The following BTBD9 variants were observed in gnomAD, a reference collection of about 807,000 sequenced individuals.
BTBD9 encodes BTB/POZ domain-containing protein 9.
In BTBD9, 49 loss-of-function variants were observed where a neutral mutation model predicts 64.3. That is an observed-to-expected ratio of 0.76 (90% CI 0.61 to 0.97). The LOEUF (loss-of-function observed/expected upper bound fraction) is 0.97. Among genes scored for constraint, BTBD9 ranks in the 50% least tolerant of loss-of-function variants. BTBD9 has a pLI of 0.00. For missense variants in BTBD9, 598 were observed against 762.1 expected, an observed-to-expected ratio of 0.78 and a Z score of 2.53; for synonymous variants, 260 against 274.7, an observed-to-expected ratio of 0.95 and a Z score of 0.53.
chr6:38,548,004 GA>G (rs1469501203), intron 6 of BTBD9, among the ~76,000 whole-genome samples: 1 of 151,984 alleles, frequency 6.6e-6, no homozygotes, highest in Non-Finnish European at 1.5e-5. Context: ...GAGTTAAAAA[GA>G]AAAACATTCC....
At chr6:38,350,099 A>T (rs535066505) in intron 6 of BTBD9, among the ~76,000 whole-genome samples, 1 of 152,158 alleles carries the variant, frequency 6.6e-6, no homozygotes, top group African/African-American at 2.4e-5. Context: ...AACCATACCC[A>T]GTGACGTGGT....
At chr6:38,456,201 T>G (rs1769798967) in intron 6 of BTBD9, among the ~76,000 whole-genome samples, 2 of 152,186 alleles carry the variant, frequency 1.3e-5, no homozygotes, top group African/African-American at 4.8e-5. Flanking sequence ...TTGGCCAGGC[T>G]GGTCTCAAAC....
At position 38,199,272 on chromosome 6, in the gene BTBD9, T is replaced by C. The variant is rs116557349; in HGVS notation, c.1563-6675A>G. ...GACCCCCCCAGTTCCCTTCCCTCAA[T>C]TGGCTTTCAGGCCCCCGTGATACAG... On this transcript the variant is annotated intron_variant, in intron 9 of 10. Coordinates refer to ENST00000481247, the MANE Select transcript of BTBD9 (RefSeq NM_001099272.2). Among the ~76,000 whole-genome samples, 697 of 152,198 alleles carry C rather than the reference T, an allele frequency of 4.6e-3. 3 individuals are homozygous for C. Among genetic ancestry groups the C allele is most frequent in the African/African-American group, 0.016 (659 of 41,532 alleles).
chr6:38,514,857 G>C (rs1313751592), intron 6 of BTBD9, among the ~76,000 whole-genome samples: 1 of 152,186 alleles, frequency 6.6e-6, no homozygotes, highest in East Asian at 1.9e-4. Flanking sequence ...AGCTATTAGA[G>C]AACCATCTAA....
At chr6:38,522,500 C>T (rs1773315760) in intron 6 of BTBD9, among the ~76,000 whole-genome samples, 1 of 152,210 alleles carries the variant, frequency 6.6e-6, no homozygotes, top group Non-Finnish European at 1.5e-5. Context: ...TTTGCAAATG[C>T]TTCTTTGACG....
intron 6 of BTBD9, among the ~76,000 whole-genome samples, chr6:38,460,692 C>G (rs962250152): frequency 5.9e-5 from 9 of 152,094 alleles, no homozygotes; most frequent in Non-Finnish European, 1.0e-4. Flanking sequence ...GGCGTGATCC[C>G]GGCTCACTGC....
At chr6:38,349,654 T>C (rs563871592) in intron 6 of BTBD9, among the ~76,000 whole-genome samples, 2 of 152,240 alleles carry the variant, frequency 1.3e-5, no homozygotes, top group East Asian at 3.9e-4. Flanking sequence ...TTCAGTACCA[T>C]GCATAGTTTC....
At chr6:38,569,711 A>C (rs1275100509) in intron 6 of BTBD9, among the ~76,000 whole-genome samples, 1 of 152,194 alleles carries the variant, frequency 6.6e-6, no homozygotes, top group Non-Finnish European at 1.5e-5. Flanking sequence ...AGAAGCTTGG[A>C]TTCAATTGAA....
At chr6:38,257,033 C>CCAAAGTGCCAGGA in intron 8 of BTBD9, among the ~76,000 whole-genome samples, 1 of 150,630 alleles carries the variant, frequency 6.6e-6, no homozygotes, top group East Asian at 2.0e-4. Flanking sequence ...CCTCAGCCTC[C>CCAAAGTGCCAGGA]TGAGTAGCTG....
intron 6 of BTBD9, among the ~76,000 whole-genome samples, chr6:38,390,563 C>T (rs1357351776): frequency 6.6e-6 from 1 of 152,086 alleles, no homozygotes; most frequent in Non-Finnish European, 1.5e-5. Flanking sequence ...CAAAAATGAA[C>T]ATTAATAGGT....
At chr6:38,495,459 A>C (rs1217124052) in intron 6 of BTBD9, among the ~76,000 whole-genome samples, 2 of 152,184 alleles carry the variant, frequency 1.3e-5, no homozygotes, top group Admixed American at 1.3e-4. Flanking sequence ...AATCAATAAA[A>C]CCCACTCAAA....
At chr6:38,210,970 G>A (rs1762813567) in intron 9 of BTBD9, among the ~76,000 whole-genome samples, 1 of 152,136 alleles carries the variant, frequency 6.6e-6, no homozygotes, top group South Asian at 2.1e-4. Flanking sequence ...GAGTTCCTCG[G>A]CCTAACAGCT....
chr6:38,489,015 C>T (rs1017683984), intron 6 of BTBD9, among the ~76,000 whole-genome samples: 2 of 151,708 alleles, frequency 1.3e-5, no homozygotes, highest in African/African-American at 4.8e-5. Context: ...CCTGCTTCAG[C>T]TTCCCAAGTA....
intron 6 of BTBD9, among the ~76,000 whole-genome samples, chr6:38,452,986 G>C (rs575994917): frequency 1.3e-5 from 2 of 152,202 alleles, no homozygotes; most frequent in East Asian, 3.9e-4. Flanking sequence ...TTCCTAACTT[G>C]TAAGAAGTGC....
At chr6:38,525,076 G>T (rs555410778) in intron 6 of BTBD9, among the ~76,000 whole-genome samples, 1 of 152,108 alleles carries the variant, frequency 6.6e-6, no homozygotes, top group Non-Finnish European at 1.5e-5. Context: ...ATGATGGCAC[G>T]ATCAGCACTG....
chr6:38,287,684 T>C (rs1761797543), intron 8 of BTBD9, among the ~76,000 whole-genome samples: 1 of 152,326 alleles, frequency 6.6e-6, no homozygotes, highest in East Asian at 1.9e-4. Context: ...ATGACAAAAT[T>C]GGCTGACAGT....
intron 6 of BTBD9, among the ~76,000 whole-genome samples, chr6:38,430,838 A>G (rs1246531411): frequency 6.6e-6 from 1 of 151,838 alleles, no homozygotes; most frequent in East Asian, 1.9e-4. Context: ...ACTCCACTGA[A>G]ATGTTTCCTG....
chr6:38,249,640 C>G (rs1180380957), intron 9 of BTBD9, among the ~76,000 whole-genome samples: 1 of 151,950 alleles, frequency 6.6e-6, no homozygotes, highest in East Asian at 1.9e-4. Context: ...CACAGCAAGC[C>G]CCCAGGACAG....
At chr6:38,272,784 A>G (rs187920953) in intron 8 of BTBD9, among the ~76,000 whole-genome samples, 1 of 152,300 alleles carries the variant, frequency 6.6e-6, no homozygotes, top group East Asian at 1.9e-4. Flanking sequence ...ACCTTCTAAT[A>G]AAAACAGTAC....
Sources: gnomAD v4.1 joint callset for allele counts (sites outside exome capture counted in the v4.1 genomes callset) on GRCh38, gnomAD v4.1.1 for gene constraint, MANE v1.5 for transcripts, NCBI Gene and HGNC (gene_info 2026-07-23, HGNC 2026-07-21) for gene names.